The following CCDC7 variants were observed in gnomAD, a reference collection of about 807,000 sequenced individuals.
CCDC7 encodes the protein coiled-coil domain containing 7, also known as coiled-coil domain-containing protein 7.
A neutral mutation model predicts 196.9 loss-of-function variants in CCDC7; 183 were observed. The ratio of observed to expected loss-of-function variants is 0.93; its 90% CI spans 0.82 to 1.05. The LOEUF (loss-of-function observed/expected upper bound fraction) is 1.05, where lower values mean the gene tolerates loss of function less well. CCDC7 is among the 50% of genes least tolerant of loss of function. CCDC7 has a pLI of 0.00. For synonymous variants in CCDC7, 525 were observed against 484.6 expected (o/e 1.08, Z -1.10); for missense variants, 1,540 against 1,482.2 (o/e 1.04, Z -0.64).
At chr10:32,851,819 A>T in exon 40 of CCDC7, 1 of 1,609,736 alleles carries the variant, frequency 6.2e-7, no homozygotes. Flanking sequence ...GAAACTTATG[A>T]GTACTCTTCA....
chr10:32,842,379 A>C (rs2093030110), intron 33 of CCDC7, among the ~76,000 whole-genome samples: 1 of 152,168 alleles, frequency 6.6e-6, no homozygotes, highest in African/African-American at 2.4e-5. Context: ...TATGCAAATA[A>C]AAACCATAAT....
downstream of CCDC7, among the ~76,000 whole-genome samples, chr10:32,880,753 T>A (rs182185390): frequency 1.7e-3 from 252 of 152,248 alleles, 2 homozygotes; most frequent in African/African-American, 5.8e-3. Context: ...CTTCTGCATA[T>A]GGCTAGCCAG....
chr10:32,715,062 C>T (rs1027593369), intron 25 of CCDC7, among the ~76,000 whole-genome samples: 14 of 152,230 alleles, frequency 9.2e-5, no homozygotes, highest in Admixed American at 4.6e-4. Context: ...GGACAGACTG[C>T]CTCCTCAAGT....
chr10:32,562,543 A>T (rs2055904561), intron 13 of CCDC7, among the ~76,000 whole-genome samples: 1 of 152,236 alleles, frequency 6.6e-6, no homozygotes, highest in African/African-American at 2.4e-5. Flanking sequence ...AGAACCAAAG[A>T]CAAAAACCAC....
chr10:32,469,723 G>A (rs539548036), intron 5 of CCDC7, among the ~76,000 whole-genome samples: 21 of 152,260 alleles, frequency 1.4e-4, no homozygotes, highest in African/African-American at 4.8e-4. Flanking sequence ...CATCCATCAG[G>A]TGATGCTGTT....
intron 16 of CCDC7, chr10:32,574,608 A>G: frequency 1.6e-6 from 1 of 625,312 alleles, no homozygotes; most frequent in Non-Finnish European, 2.3e-6. Flanking sequence ...TTAGTGGTAA[A>G]TAGTTAATCA....
At chr10:32,572,004 C>A (rs746400976) in intron 16 of CCDC7, 111 bp downstream of exon 17, 25 of 1,020,204 alleles carry the variant, frequency 2.5e-5, no homozygotes, top group Middle Eastern at 2.5e-4. Flanking sequence ...CTCTTTGAAA[C>A]TAATTTTAAG....
At chr10:32,821,125 A>G (rs558063981) in intron 31 of CCDC7, among the ~76,000 whole-genome samples, 2 of 152,330 alleles carry the variant, frequency 1.3e-5, no homozygotes, top group African/African-American at 4.8e-5. Flanking sequence ...TACAAGAAAA[A>G]ACAACCCCAT....
chr10:32,664,148 T>C (rs548991731), exon 21 of CCDC7: 96 of 396,218 alleles, frequency 2.4e-4, no homozygotes, highest in Middle Eastern at 1.3e-3. Flanking sequence ...CTTTCCAAGA[T>C]AATCAACTCA....
intron 21 of CCDC7, among the ~76,000 whole-genome samples, chr10:32,666,810 A>G (rs1012283828): frequency 2.0e-4 from 30 of 152,084 alleles, no homozygotes; most frequent in Non-Finnish European, 3.2e-4. Context: ...AGTCTTTGCT[A>G]TTGTGAATAG....
chr10:32,636,920 T>C (rs2065765190), intron 20 of CCDC7, among the ~76,000 whole-genome samples: 1 of 152,176 alleles, frequency 6.6e-6, no homozygotes, highest in African/African-American at 2.4e-5. Context: ...TGATCGCCAT[T>C]CTAACTGGTG....
intron 37 of CCDC7, among the ~76,000 whole-genome samples, chr10:32,847,600 A>G (rs17576482): frequency 0.34 from 52,045 of 151,824 alleles, 11,315 homozygotes; most frequent in Non-Finnish European, 0.49. Flanking sequence ...CTGTAGTCCC[A>G]GCTACTTGGA....
chr10:32,764,282 G>T (rs2077921785), intron 28 of CCDC7, among the ~76,000 whole-genome samples: 1 of 149,050 alleles, frequency 6.7e-6, no homozygotes, highest in Admixed American at 6.8e-5. Flanking sequence ...GAAGTACAAA[G>T]TATGGCTCAT....
At chr10:32,708,149 G>T (rs2080131867) in intron 24 of CCDC7, among the ~76,000 whole-genome samples, 1 of 150,220 alleles carries the variant, frequency 6.7e-6, no homozygotes, top group Non-Finnish European at 1.5e-5. Context: ...AAAGAATAGA[G>T]CCCTCAGAAA....
chr10:32,669,381 A>C (rs1220968742), intron 21 of CCDC7, among the ~76,000 whole-genome samples: 2 of 152,134 alleles, frequency 1.3e-5, no homozygotes, highest in African/African-American at 4.8e-5. Flanking sequence ...CTTTGGTATC[A>C]GTAATGCTGG....
At chr10:32,614,718 C>T (rs949473177) in intron 18 of CCDC7, among the ~76,000 whole-genome samples, 17 of 152,174 alleles carry the variant, frequency 1.1e-4, no homozygotes, top group Non-Finnish European at 2.1e-4. Flanking sequence ...CTGGTACTCA[C>T]ACACACCACT....
chr10:32,638,341 C>A (rs1221774806), intron 20 of CCDC7, among the ~76,000 whole-genome samples: 1 of 152,234 alleles, frequency 6.6e-6, no homozygotes, highest in Non-Finnish European at 1.5e-5. Flanking sequence ...AGTTTTTGCC[C>A]ATTCAGTATG....
At chr10:32,634,744 A>G (rs144776792) in intron 19 of CCDC7, among the ~76,000 whole-genome samples, 91 of 152,316 alleles carry the variant, frequency 6.0e-4, no homozygotes, top group Admixed American at 1.4e-3. Context: ...TCTTTGCATC[A>G]TGAATATTTG....
At chr10:32,725,480 T>G in intron 25 of CCDC7, 1 of 446,448 alleles carries the variant, frequency 2.2e-6, no homozygotes, top group Non-Finnish European at 4.6e-6. Flanking sequence ...AGTTCCCACT[T>G]CTTATCCTTA....
Sources: gnomAD v4.1 joint callset for allele counts (sites outside exome capture counted in the v4.1 genomes callset) on GRCh38, gnomAD v4.1.1 for gene constraint, MANE v1.5 for transcripts, NCBI Gene and HGNC (gene_info 2026-07-23, HGNC 2026-07-21) for gene names.